Variants in CUX1 observed in about 807,000 individuals in gnomAD.
CUX1 encodes protein CASP.
A neutral mutation model predicts 158.8 loss-of-function variants in CUX1; 31 were observed. The observed-to-expected ratio is 0.20, with a 90% CI of 0.15 to 0.26. CUX1 has a LOEUF of 0.26. Among genes scored for constraint, CUX1 ranks in the 10% least tolerant of loss-of-function variants. The probability of loss-of-function intolerance (pLI) is 1.00; values close to 1 mark genes in which losing one functional copy is unlikely to be tolerated. For synonymous variants in CUX1, 879 were observed against 862.1 expected, an observed-to-expected ratio of 1.02 and a Z score of -0.34; for missense variants, 1,589 against 2,014.6, an observed-to-expected ratio of 0.79 and a Z score of 4.04.
intron 11 of CUX1, among the ~76,000 whole-genome samples, chr7:102,182,299 C>T (rs1373728916): frequency 6.6e-6 from 1 of 152,208 alleles, no homozygotes; most frequent in African/African-American, 2.4e-5. Context: ...ATCTTTTGTC[C>T]TGAGTTCACT....
chr7:102,231,023 CTATT>C (rs1437304931), intron 21 of CUX1, among the ~76,000 whole-genome samples: 69 of 104,596 alleles, frequency 6.6e-4, no homozygotes, highest in African/African-American at 2.0e-3. Flanking sequence ...CCAAGCCCGG[CTATT>C]TTTTTTTTTT....
intron 4 of CUX1, 26 bp from the exon 5 acceptor site, chr7:102,097,338 G>T (rs782362424): frequency 1.9e-6 from 3 of 1,596,528 alleles, no homozygotes; most frequent in East Asian, 2.2e-5. Context: ...GCCGAGTGGG[G>T]TGATGGCTGT....
At chr7:102,059,301 C>T (rs1350746829) in intron 3 of CUX1, among the ~76,000 whole-genome samples, 1 of 152,156 alleles carries the variant, frequency 6.6e-6, no homozygotes, top group Non-Finnish European at 1.5e-5. Flanking sequence ...TCCAAGCCAG[C>T]GGCTTCTTCG....
intron 8 of CUX1, 49 bp downstream of exon 8, chr7:102,115,322 A>T (rs782196059): frequency 2.6e-6 from 4 of 1,556,738 alleles, no homozygotes; most frequent in Non-Finnish European, 3.5e-6. Flanking sequence ...TTCTCACCTG[A>T]TTTTGCTTGA....
chr7:102,222,376 C>T (rs181743116), intron 20 of CUX1, among the ~76,000 whole-genome samples: 26 of 152,170 alleles, frequency 1.7e-4, no homozygotes, highest in Non-Finnish European at 2.8e-4. Flanking sequence ...GTAGGAAGGT[C>T]GAGGTTTTCC....
At chr7:102,267,528 G>C (rs549980145) in intron 14 of CUX1, among the ~76,000 whole-genome samples, 1 of 152,162 alleles carries the variant, frequency 6.6e-6, no homozygotes, top group African/African-American at 2.4e-5. Flanking sequence ...GTGAAACTCC[G>C]TCTCAAAAGA....
intron 2 of CUX1, among the ~76,000 whole-genome samples, chr7:101,931,668 C>A (rs577195087): frequency 6.6e-6 from 1 of 152,094 alleles, no homozygotes; most frequent in African/African-American, 2.4e-5. Flanking sequence ...CGGGCTCAAG[C>A]GATCCTCACT....
At chr7:102,100,379 A>G (rs1280603104) in intron 5 of CUX1, among the ~76,000 whole-genome samples, 5 of 152,234 alleles carry the variant, frequency 3.3e-5, no homozygotes, top group Non-Finnish European at 7.3e-5. Context: ...TCACTTTGCT[A>G]AAAGCCTCTT....
chr7:101,910,275 T>C (rs1803269374), intron 1 of CUX1, among the ~76,000 whole-genome samples: 1 of 152,052 alleles, frequency 6.6e-6, no homozygotes, highest in Admixed American at 6.5e-5. Flanking sequence ...GCCCCCCAAG[T>C]AGCTGGAACC....
chr7:102,211,372 G>A (rs1796500232), intron 20 of CUX1, among the ~76,000 whole-genome samples: 2 of 152,226 alleles, frequency 1.3e-5, no homozygotes, highest in South Asian at 4.1e-4. Context: ...CTTGAACCCA[G>A]GAGGTGGAGG....
intron 22 of CUX1, among the ~76,000 whole-genome samples, chr7:102,236,725 CCCTTAGG>C (rs1229345682): frequency 4.6e-5 from 7 of 152,330 alleles, no homozygotes; most frequent in African/African-American, 1.7e-4. Flanking sequence ...CAGCCCTCAG[CCCTTAGG>C]AGGGAGGAGG....
chr7:102,251,708 T>A lies in CUX1; in HGVS notation c.*2666T>A. On this transcript the variant is annotated 3_prime_UTR_variant, in exon 24 of 24. Coordinates refer to ENST00000292535, the MANE Select transcript of CUX1 (RefSeq NM_181552.4). ...TGGCAGAGCCCTGACGACTGTGGTG[T>A]CCTCTCCACAAAACCCTCAAGGGAC... The A allele has an allele frequency of 1.0e-6, 1 of 985,410 alleles. No individual in the cohort carries two copies. Among genetic ancestry groups the A allele is most frequent in the Admixed American group, 6.1e-5 (1 of 16,272 alleles). 61.0% of individuals were successfully genotyped at this position (985,410 alleles called of 1,614,324 possible).
intron 1 of CUX1, among the ~76,000 whole-genome samples, chr7:101,900,374 A>G (rs1157457530): frequency 1.3e-5 from 2 of 152,236 alleles, no homozygotes; most frequent in East Asian, 3.8e-4. Context: ...TCTCTCTGCC[A>G]TACGAGTGTC....
At chr7:102,195,373 G>T in intron 13 of CUX1, 134 bp from the exon 14 acceptor site, 1 of 613,762 alleles carries the variant, frequency 1.6e-6, no homozygotes, top group South Asian at 2.4e-5. Context: ...GCTGTCCGCA[G>T]CCCACTTCCT....
At chr7:102,012,142 G>A (rs574519434) in intron 2 of CUX1, among the ~76,000 whole-genome samples, 1 of 152,174 alleles carries the variant, frequency 6.6e-6, no homozygotes, top group East Asian at 1.9e-4. Flanking sequence ...CTGCCATATT[G>A]TTGATTTCAC....
intron 23 of CUX1, among the ~76,000 whole-genome samples, chr7:102,245,454 C>T (rs940814855): frequency 5.3e-5 from 8 of 152,192 alleles, no homozygotes; most frequent in Non-Finnish European, 1.2e-4. Flanking sequence ...GGGCCAAGCT[C>T]ATGAGCATGG....
In CUX1 at chr7:102,243,514, G is replaced by A. The variant is rs188293424; in HGVS notation, c.3887+3930G>A. Among the ~76,000 whole-genome samples the A allele has an allele frequency of 2.0e-3, 310 of 151,802 alleles. 6 individuals are homozygous for A. Among genetic ancestry groups the A allele is most frequent in the Admixed American group, 0.019 (285 of 15,202 alleles). The stretch of plus-strand genomic sequence containing the variant: ...CAACGAAACAGGTGGAAGGAGAAAC[G>A]AGGGGCCGAGCACAGTGGCTCATGC... On this transcript the variant is annotated intron_variant, in intron 23 of 23. Transcript: ENST00000292535.
intron 14 of CUX1, among the ~76,000 whole-genome samples, chr7:102,266,530 C>A (rs1790824462): frequency 6.6e-6 from 1 of 151,896 alleles, no homozygotes; most frequent in African/African-American, 2.4e-5. Flanking sequence ...GAGTCCCACA[C>A]TGGGGAGGCA....
At chr7:101,897,511 AAAT>A (rs1801646786) in intron 1 of CUX1, among the ~76,000 whole-genome samples, 1 of 151,300 alleles carries the variant, frequency 6.6e-6, no homozygotes, top group Non-Finnish European at 1.5e-5. Flanking sequence ...TAAAAAAAAA[AAAT>A]AATAATAATA....
Sources: allele counts gnomAD v4.1 joint callset (sites outside exome capture counted in the v4.1 genomes callset), GRCh38; gene constraint gnomAD v4.1.1; transcripts MANE v1.5; gene names NCBI Gene and HGNC (gene_info 2026-07-23, HGNC 2026-07-21).